Variants in CLCN6 observed in about 807,000 individuals in gnomAD.
CLCN6 encodes the protein Cl-/H+ antiporter 6.
Under a neutral mutation model 109.8 loss-of-function variants are expected in CLCN6, and 70 were observed. The observed-to-expected ratio is 0.64, with a 90% CI of 0.53 to 0.78. The LOEUF is 0.78. Ranked by LOEUF, CLCN6 falls within the 30% of genes least tolerant of loss-of-function variation. CLCN6 has a pLI of 0.00. For missense variants in CLCN6, 984 were observed against 1,142.3 expected (o/e 0.86, Z 2.00); for synonymous variants, 444 against 447.8 (o/e 0.99, Z 0.11).
At chr1:11,836,364 T>G (rs990357105) in intron 18 of CLCN6, among the ~76,000 whole-genome samples, 13 of 152,194 alleles carry the variant, frequency 8.5e-5, no homozygotes, top group African/African-American at 3.1e-4. Flanking sequence ...CTTGCCGCAA[T>G]GAGCATGTGG....
rs1644924571 is a variant in CLCN6 at position 11,834,806 on chromosome 1, G to A, written c.1793+216G>A. Reference sequence around the variant, plus strand: ...ACACGGGCACTGTGGGACTGCAGTGGGCAGGGCCTCTTCGTGGTGGTTTGA... The same window carrying A: ...ACACGGGCACTGTGGGACTGCAGTGAGCAGGGCCTCTTCGTGGTGGTTTGA... On this transcript the variant is annotated intron_variant, in intron 17 of 22. Transcript: ENST00000346436. The surrounding 1 kb of genome is among the most constrained non-coding windows in gnomAD (Gnocchi z 4.5). Among the ~76,000 whole-genome samples the A allele has an allele frequency of 6.6e-6, 1 of 152,194 alleles. No individual in the cohort carries two copies. Among genetic ancestry groups the A allele is most frequent in the South Asian group, 2.1e-4 (1 of 4,830 alleles).
chr1:11,806,966 A>T, intron 1 of CLCN6, 165 bp from the exon 2 acceptor site: 1 of 625,002 alleles, frequency 1.6e-6, no homozygotes, highest in South Asian at 2.0e-5. Context: ...GTAGATCCTC[A>T]CCCACATGGT....
intron 8 of CLCN6, 74 bp from the exon 9 acceptor site, chr1:11,826,082 A>G (rs781648059): frequency 5.6e-6 from 6 of 1,072,812 alleles, no homozygotes; most frequent in South Asian, 2.8e-5. Context: ...TTTTTTTTCC[A>G]TAATTACTGG....
chr1:11,831,439 G>GC (rs57919557), intron 13 of CLCN6, among the ~76,000 whole-genome samples: 38,065 of 152,036 alleles, frequency 0.25, 4,937 homozygotes, highest in Middle Eastern at 0.37. Flanking sequence ...GCAGGCGTGA[G>GC]CCACCGTGTC....
chr1:11,828,310 A>C, intron 11 of CLCN6, 91 bp downstream of exon 11: 1 of 1,423,974 alleles, frequency 7.0e-7, no homozygotes, highest in South Asian at 1.2e-5. Flanking sequence ...GCAGAGGGCT[A>C]GGTACAACTT....
At chr1:11,808,271 TTTAAAG>T (rs1644550801) in intron 2 of CLCN6, among the ~76,000 whole-genome samples, 3 of 127,414 alleles carry the variant, frequency 2.4e-5, no homozygotes, top group Non-Finnish European at 5.1e-5. Flanking sequence ...GTGTGTGTGT[TTTAAAG>T]TAAAGACAGT....
At chr1:11,838,125 C>A (rs143648177) in intron 20 of CLCN6, among the ~76,000 whole-genome samples, 1 of 152,198 alleles carries the variant, frequency 6.6e-6, no homozygotes, top group Non-Finnish European at 1.5e-5. Context: ...GCAGACAGAT[C>A]AGGGGACTTG....
At chr1:11,829,357 C>T in intron 13 of CLCN6, 35 bp downstream of exon 13, 2 of 1,612,664 alleles carry the variant, frequency 1.2e-6, no homozygotes, top group Non-Finnish European at 1.7e-6. Context: ...TTATCCCATA[C>T]CACGAGGAAG....
intron 19 of CLCN6, 80 bp from the exon 20 acceptor site, chr1:11,837,263 A>T (rs1644962369): frequency 2.5e-6 from 4 of 1,585,286 alleles, no homozygotes; most frequent in South Asian, 1.1e-5. Context: ...GGAAAGTTGG[A>T]TGGGGAGCGG....
chr1:11,815,477 C>T (rs1437768091), intron 2 of CLCN6, among the ~76,000 whole-genome samples: 1 of 152,114 alleles, frequency 6.6e-6, no homozygotes, highest in African/African-American at 2.4e-5. Flanking sequence ...CTCACCACAA[C>T]CTCCACCTCC....
chr1:11,824,265 C>G (rs1644783328), intron 7 of CLCN6, among the ~76,000 whole-genome samples: 2 of 152,218 alleles, frequency 1.3e-5, no homozygotes, highest in South Asian at 4.1e-4. Context: ...TCTGGGCTCA[C>G]AGGCTCTCAT....
chr1:11,822,668 C>T (rs764542975), intron 5 of CLCN6, 27 bp from the exon 6 acceptor site: 3 of 1,447,878 alleles, frequency 2.1e-6, no homozygotes, highest in Non-Finnish European at 1.9e-6. Flanking sequence ...GGCTGATGAA[C>T]AAGTTTCCTT....
At position 11,841,108 on chromosome 1, in the gene CLCN6, G is replaced by A. The variant is rs1645017482; in HGVS notation, c.*885G>A. On this transcript the variant is annotated 3_prime_UTR_variant, in exon 23 of 23. Transcript: ENST00000346436. ...ACCCACCAAAGTTAGCTGAAAGCAG[G>A]GCACTCCTGGATAAAGCAGCTTCAC... 6.6e-6 allele frequency: 1 copy of A among 152,598 alleles called. No homozygotes were observed. Among genetic ancestry groups the A allele is most frequent in the African/African-American group, 2.4e-5 (1 of 41,436 alleles). The allele number at this position is 152,598 out of a possible 1,614,324, so 9.5% of individuals were successfully genotyped here.
intron 20 of CLCN6, among the ~76,000 whole-genome samples, chr1:11,837,802 A>G (rs1021019315): frequency 2.6e-5 from 4 of 152,000 alleles, no homozygotes; most frequent in African/African-American, 9.7e-5. Context: ...GGTGCTCCTG[A>G]CTGTGAACAC....
intron 22 of CLCN6, chr1:11,839,054 C>G: frequency 1.7e-6 from 1 of 600,496 alleles, no homozygotes; most frequent in South Asian, 2.1e-5. Context: ...GTAATTATTG[C>G]TGCAGACTTT....
chr1:11,818,122 AAAG>A (rs926227621), intron 4 of CLCN6, among the ~76,000 whole-genome samples: 4 of 152,160 alleles, frequency 2.6e-5, no homozygotes, highest in African/African-American at 9.7e-5. Context: ...AAATTAAAAA[AAAG>A]AAATCTCAGG....
chr1:11,821,465 A>C (rs1405306449), intron 5 of CLCN6, among the ~76,000 whole-genome samples: 2 of 152,200 alleles, frequency 1.3e-5, no homozygotes, highest in Non-Finnish European at 2.9e-5. Context: ...CAGAGGCAGG[A>C]GAATCACTTG....
rs1272274798 is a variant in CLCN6 at position 11,834,779 on chromosome 1, G to A, written c.1793+189G>A. 6.6e-6 allele frequency among the ~76,000 whole-genome samples: 1 copy of A among 152,174 alleles called. No homozygotes were observed. Among genetic ancestry groups the A allele is most frequent in the East Asian group, 1.9e-4 (1 of 5,196 alleles). The stretch of plus-strand genomic sequence containing the variant: ...CTGGGGGCTGCGGGGGCAGGGCAGG[G>A]GACACGGGCACTGTGGGACTGCAGT... On this transcript the variant is annotated intron_variant, in intron 17 of 22. Coordinates refer to ENST00000346436, the MANE Select transcript of CLCN6 (RefSeq NM_001286.5). The surrounding 1 kb of genome is among the most constrained non-coding windows in gnomAD (Gnocchi z 4.5).
chr1:11,837,257 A>G (rs1644962300), intron 19 of CLCN6, 86 bp from the exon 20 acceptor site: 2 of 1,585,900 alleles, frequency 1.3e-6, no homozygotes, highest in Non-Finnish European at 1.7e-6. Flanking sequence ...TTCCTGGGAA[A>G]GTTGGATGGG....
Sources: allele counts gnomAD v4.1 joint callset (sites outside exome capture counted in the v4.1 genomes callset), GRCh38; gene constraint gnomAD v4.1.1; non-coding constraint Gnocchi (gnomAD v3.1); transcripts MANE v1.5; gene names NCBI Gene and HGNC (gene_info 2026-07-23, HGNC 2026-07-21).